Variants in SPOCK1 observed in about 807,000 individuals in gnomAD.
The protein encoded by SPOCK1 is testican-1.
A neutral mutation model predicts 55.3 loss-of-function variants in SPOCK1; 23 were observed. The observed-to-expected ratio is 0.42, with a 90% CI of 0.30 to 0.59. SPOCK1 has a LOEUF of 0.59. SPOCK1 is among the 20% of genes least tolerant of loss of function. The pLI is 0.22. For missense variants in SPOCK1, 499 were observed against 552.5 expected (o/e 0.90, Z 0.97); for synonymous variants, 226 against 221.0 (o/e 1.02, Z -0.20).
intron 2 of SPOCK1, among the ~76,000 whole-genome samples, chr5:137,437,367 A>G (rs1422796375): frequency 6.6e-6 from 1 of 152,250 alleles, no homozygotes; most frequent in Admixed American, 6.5e-5. Flanking sequence ...TGGATATTAT[A>G]AAGCAGGTTT....
chr5:137,186,834 C>T (rs1007768332), intron 3 of SPOCK1, among the ~76,000 whole-genome samples: 1 of 152,164 alleles, frequency 6.6e-6, no homozygotes, highest in Non-Finnish European at 1.5e-5. Context: ...CTCCCTGTCA[C>T]TCCACTTCAC....
At chr5:137,259,776 T>C (rs575385002) in intron 3 of SPOCK1, among the ~76,000 whole-genome samples, 2 of 152,210 alleles carry the variant, frequency 1.3e-5, no homozygotes, top group African/African-American at 2.4e-5. Flanking sequence ...AAGATTTGAT[T>C]TGAGCACTTT....
intron 2 of SPOCK1, among the ~76,000 whole-genome samples, chr5:137,423,802 T>G (rs181767673): frequency 6.6e-6 from 1 of 152,274 alleles, no homozygotes; most frequent in East Asian, 1.9e-4. Context: ...GCACCCACTT[T>G]CCAACACTCC....
chr5:137,249,739 C>T (rs1039836203), intron 3 of SPOCK1, among the ~76,000 whole-genome samples: 1 of 152,172 alleles, frequency 6.6e-6, no homozygotes, highest in East Asian at 1.9e-4. Context: ...AAATGCCTTC[C>T]CAAATTATAA....
chr5:137,116,139 G>A (rs773419358), intron 4 of SPOCK1, among the ~76,000 whole-genome samples: 9 of 152,126 alleles, frequency 5.9e-5, no homozygotes, highest in Non-Finnish European at 1.3e-4. Context: ...GCAGGCTGAT[G>A]GCACCACACA....
intron 3 of SPOCK1, among the ~76,000 whole-genome samples, chr5:137,242,398 G>A (rs768473671): frequency 2.0e-5 from 3 of 152,200 alleles, no homozygotes; most frequent in Non-Finnish European, 4.4e-5. Flanking sequence ...ACACTCTGGT[G>A]CCTGCCACCA....
At position 137,044,673 on chromosome 5, in the gene SPOCK1, A is replaced by G. The variant is rs545461665; in HGVS notation, c.589+23042T>C. On this transcript the variant is annotated intron_variant, in intron 6 of 10. Transcript: ENST00000394945. ...TTTTTATTATTATACTTTAAGTTTT[A>G]GGGTACATGTGCACATTGTGCAGGT... 7.9e-5 allele frequency among the ~76,000 whole-genome samples: 12 copies of G among 152,040 alleles called. No individual in the cohort carries two copies. The East Asian group carries it at 2.3e-3, about 29-fold the overall frequency.
At chr5:137,178,654 C>A (rs1001844735) in intron 3 of SPOCK1, among the ~76,000 whole-genome samples, 1 of 152,194 alleles carries the variant, frequency 6.6e-6, no homozygotes, top group South Asian at 2.1e-4. Flanking sequence ...CCAGCCCAAC[C>A]AACTCCCCTT....
intron 3 of SPOCK1, among the ~76,000 whole-genome samples, chr5:137,196,900 C>A (rs1009436786): frequency 6.6e-6 from 1 of 152,296 alleles, no homozygotes; most frequent in Admixed American, 6.5e-5. Context: ...AAAGGGCTTG[C>A]AATAGCTGGT....
chr5:137,018,682 T>G lies in SPOCK1; in HGVS notation c.590-26082A>C, dbSNP rs545348789. On this transcript the variant is annotated intron_variant, in intron 6 of 10. Transcript: ENST00000394945. ...GTATTTTATTTGCTTTTTCTCTCCT[T>G]ATTATACAAATGCATATTAGGATTT... Among the ~76,000 whole-genome samples, 5 of 152,330 alleles carry G rather than the reference T, an allele frequency of 3.3e-5. No homozygotes were observed. In the East Asian group the frequency reaches 9.7e-4, roughly 29 times the overall value.
intron 2 of SPOCK1, among the ~76,000 whole-genome samples, chr5:137,354,417 C>T (rs555748655): frequency 6.6e-6 from 1 of 152,068 alleles, no homozygotes; most frequent in Admixed American, 6.5e-5. Flanking sequence ...TGACGTTGCA[C>T]CCTCCCTTGA....
chr5:137,176,928 G>T (rs1398128100), intron 3 of SPOCK1, among the ~76,000 whole-genome samples: 21 of 152,114 alleles, frequency 1.4e-4, no homozygotes, highest in Admixed American at 1.4e-3. Context: ...CAGTGACTAG[G>T]TCTGAGTACA....
chr5:137,497,372 T>G (rs929768213), intron 2 of SPOCK1, among the ~76,000 whole-genome samples: 4 of 152,272 alleles, frequency 2.6e-5, no homozygotes, highest in African/African-American at 7.2e-5. Flanking sequence ...AGCTTTTCTC[T>G]TTTTTACTGT....
chr5:137,474,087 G>A (rs553707957), intron 2 of SPOCK1, among the ~76,000 whole-genome samples: 7 of 152,270 alleles, frequency 4.6e-5, no homozygotes, highest in African/African-American at 1.7e-4. Flanking sequence ...TTGGAGACTT[G>A]GGTGGAAGAG....
intron 6 of SPOCK1, among the ~76,000 whole-genome samples, chr5:137,019,706 C>G (rs1417127142): frequency 6.6e-6 from 1 of 151,924 alleles, no homozygotes; most frequent in Non-Finnish European, 1.5e-5. Flanking sequence ...CAAACAGACC[C>G]TCATTACAGG....
At position 137,326,639 on chromosome 5, in the gene SPOCK1, G is replaced by A. The variant is rs2127149363; in HGVS notation, c.187-59584C>T. Among the ~76,000 whole-genome samples the A allele has an allele frequency of 3.3e-5, 5 of 152,326 alleles. No homozygotes were observed. In the Middle Eastern group the frequency reaches 0.017, roughly 518 times the overall value. ...GAAGATGTGGATATGAATAATTAAGGCCCTATTAAACATGCACACATCTTG... is the reference window on the plus strand; with the variant it reads ...GAAGATGTGGATATGAATAATTAAGACCCTATTAAACATGCACACATCTTG... On this transcript the variant is annotated intron_variant, in intron 2 of 10. Transcript: ENST00000394945.
chr5:137,394,809 T>C (rs922558791), intron 2 of SPOCK1, among the ~76,000 whole-genome samples: 1 of 152,158 alleles, frequency 6.6e-6, no homozygotes, highest in African/African-American at 2.4e-5. Context: ...GCAGAGTGAG[T>C]CTGTAAGGCT....
chr5:137,347,254 C>G (rs1056829636), intron 2 of SPOCK1, among the ~76,000 whole-genome samples: 6 of 152,214 alleles, frequency 3.9e-5, no homozygotes, highest in East Asian at 1.9e-4. Context: ...GTTTTGGGAC[C>G]TGAAGCCCCT....
At chr5:137,446,237 C>T (rs1753124723) in intron 2 of SPOCK1, among the ~76,000 whole-genome samples, 1 of 152,032 alleles carries the variant, frequency 6.6e-6, no homozygotes, top group African/African-American at 2.4e-5. Flanking sequence ...ACAGAAGCAC[C>T]CAAAGACTTT....
Sources: gnomAD v4.1 joint callset for allele counts (sites outside exome capture counted in the v4.1 genomes callset) on GRCh38, gnomAD v4.1.1 for gene constraint, MANE v1.5 for transcripts, NCBI Gene and HGNC (gene_info 2026-07-23, HGNC 2026-07-21) for gene names.